PDE7B: variants seen among roughly 807,000 people sequenced by gnomAD.
PDE7B encodes 3',5'-cyclic-AMP phosphodiesterase 7B.
Under a neutral mutation model 56.2 loss-of-function variants are expected in PDE7B, and 29 were observed. The ratio of observed to expected loss-of-function variants is 0.52; its 90% CI spans 0.38 to 0.70. The LOEUF is 0.70. Ranked by LOEUF, PDE7B falls within the 30% of genes least tolerant of loss-of-function variation. The pLI is 0.00. For synonymous variants in PDE7B, 197 were observed against 196.9 expected (o/e 1.00, Z 0.00); for missense variants, 490 against 565.0 (o/e 0.87, Z 1.35).
At chr6:135,903,147 A>G (rs556995949) in intron 1 of PDE7B, among the ~76,000 whole-genome samples, 75 of 152,354 alleles carry the variant, frequency 4.9e-4, no homozygotes, top group Non-Finnish European at 9.6e-4. Context: ...TGACATGGGA[A>G]CAAAGGGCAA....
intron 1 of PDE7B, among the ~76,000 whole-genome samples, chr6:135,914,973 A>G (rs1336301132): frequency 6.6e-6 from 1 of 151,714 alleles, no homozygotes; most frequent in Non-Finnish European, 1.5e-5. Context: ...GGTGCCTTTA[A>G]TCCCAGCTAC....
chr6:135,983,318 A>G (rs1054546105), intron 2 of PDE7B, among the ~76,000 whole-genome samples: 2 of 152,184 alleles, frequency 1.3e-5, no homozygotes, highest in African/African-American at 4.8e-5. Flanking sequence ...GCAGTGACCA[A>G]AGAGACCTGT....
chr6:136,023,132 T>C (rs1776100453), intron 2 of PDE7B, among the ~76,000 whole-genome samples: 1 of 152,164 alleles, frequency 6.6e-6, no homozygotes, highest in Non-Finnish European at 1.5e-5. Context: ...CCCCACCTGT[T>C]TCCCAAAGTA....
chr6:136,034,437 G>A (rs1776292534), intron 2 of PDE7B: 2 of 152,180 alleles, frequency 1.3e-5, no homozygotes, highest in African/African-American at 4.8e-5. Context: ...TTGGAAGAAG[G>A]AGCCAATGCA....
At chr6:135,903,980 C>T (rs1418236762) in intron 1 of PDE7B, among the ~76,000 whole-genome samples, 1 of 152,116 alleles carries the variant, frequency 6.6e-6, no homozygotes, top group Non-Finnish European at 1.5e-5. Flanking sequence ...TTTATTTTTC[C>T]CTTTTTTATT....
intron 3 of PDE7B, among the ~76,000 whole-genome samples, chr6:136,141,024 G>A (rs893070359): frequency 1.3e-5 from 2 of 152,272 alleles, no homozygotes; most frequent in African/African-American, 4.8e-5. Flanking sequence ...TGGTGAGAGA[G>A]GGCATCCCTG....
intron 1 of PDE7B, among the ~76,000 whole-genome samples, chr6:135,857,608 T>C (rs1775060916): frequency 6.6e-6 from 1 of 152,182 alleles, no homozygotes; most frequent in Non-Finnish European, 1.5e-5. Context: ...TTACATTCTC[T>C]TTGACTCTAG....
In PDE7B at chr6:136,070,630, A is replaced by G. The variant is rs116890569; in HGVS notation, c.83-38101A>G. On this transcript the variant is annotated intron_variant, in intron 2 of 12. Transcript: ENST00000308191. Reference sequence around the variant, plus strand: ...CCTTCTTTCATGATTTAATTCATTTAATTTAAAAAACATTGAAAATTTTTT... The same window carrying G: ...CCTTCTTTCATGATTTAATTCATTTGATTTAAAAAACATTGAAAATTTTTT... Among the ~76,000 whole-genome samples, 30 of 152,328 alleles carry G rather than the reference A, an allele frequency of 2.0e-4. No homozygotes were observed. The East Asian group carries it at 4.0e-3, about 21-fold the overall frequency.
intron 2 of PDE7B, among the ~76,000 whole-genome samples, chr6:135,980,784 A>G (rs1674773579): frequency 7.2e-6 from 1 of 139,252 alleles, no homozygotes; most frequent in African/African-American, 2.7e-5. Flanking sequence ...TCAGGAAACA[A>G]CAGGTGCTGG....
chr6:136,177,445 C>G (rs891995582), intron 9 of PDE7B, among the ~76,000 whole-genome samples: 3 of 151,932 alleles, frequency 2.0e-5, no homozygotes, highest in African/African-American at 7.3e-5. Flanking sequence ...TGCAAAGAAC[C>G]TCAGAAACAA....
chr6:135,917,373 T>C (rs1773974117), intron 1 of PDE7B, among the ~76,000 whole-genome samples: 1 of 152,178 alleles, frequency 6.6e-6, no homozygotes, highest in Non-Finnish European at 1.5e-5. Context: ...GCGTCACGTC[T>C]GCTGTTAAGC....
chr6:136,172,556 T>A (rs1778906501), intron 8 of PDE7B, among the ~76,000 whole-genome samples: 2 of 152,184 alleles, frequency 1.3e-5, no homozygotes, highest in African/African-American at 2.4e-5. Flanking sequence ...ATGAGTAGGT[T>A]TTGAAAATTT....
At chr6:136,096,601 T>G (rs913545699) in intron 2 of PDE7B, among the ~76,000 whole-genome samples, 3 of 151,650 alleles carry the variant, frequency 2.0e-5, no homozygotes, top group African/African-American at 7.3e-5. Flanking sequence ...GGTATTTTCA[T>G]GACATAAACT....
intron 2 of PDE7B, among the ~76,000 whole-genome samples, chr6:136,071,626 T>C (rs899928752): frequency 6.6e-6 from 1 of 152,328 alleles, no homozygotes; most frequent in Non-Finnish European, 1.5e-5. Context: ...GGAAAAATTA[T>C]GTTAAAATTA....
chr6:136,105,523 G>A (rs1242703870), intron 2 of PDE7B, among the ~76,000 whole-genome samples: 2 of 152,188 alleles, frequency 1.3e-5, no homozygotes, highest in African/African-American at 4.8e-5. Flanking sequence ...TTGTTGGGTT[G>A]ATGATGTGAG....
At chr6:135,915,009 C>T (rs1473785106) in intron 1 of PDE7B, among the ~76,000 whole-genome samples, 1 of 151,664 alleles carries the variant, frequency 6.6e-6, no homozygotes, top group African/African-American at 2.4e-5. Context: ...AGGAGAATCA[C>T]TTGAACGCAG....
intron 3 of PDE7B, among the ~76,000 whole-genome samples, chr6:136,144,079 T>C (rs191224236): frequency 3.4e-3 from 516 of 152,194 alleles, no homozygotes; most frequent in Non-Finnish European, 5.9e-3. Context: ...ATACGTAACA[T>C]AGGAATAATT....
chr6:136,017,586 C>G (rs1254395524), intron 2 of PDE7B, among the ~76,000 whole-genome samples: 1 of 149,972 alleles, frequency 6.7e-6, no homozygotes, highest in Non-Finnish European at 1.5e-5. Context: ...TAAGAACATG[C>G]GGTGTTTGGT....
At position 136,018,633 on chromosome 6, in the gene PDE7B, A is replaced by C. The variant is rs115015982; in HGVS notation, c.82+71109A>C. On this transcript the variant is annotated intron_variant, in intron 2 of 12. Coordinates refer to ENST00000308191, the MANE Select transcript of PDE7B (RefSeq NM_018945.4). ...CACCACAAGTAACTCAAAACAAAAT[A>C]ATACAAACTCTTAAATTACCGTTAA... Among the ~76,000 whole-genome samples, 873 of 152,298 alleles carry C rather than the reference A, an allele frequency of 5.7e-3. 7 individuals carry two copies. Among genetic ancestry groups the C allele is most frequent in the African/African-American group, 0.02 (823 of 41,552 alleles).
Sources: allele counts gnomAD v4.1 joint callset (sites outside exome capture counted in the v4.1 genomes callset), GRCh38; gene constraint gnomAD v4.1.1; transcripts MANE v1.5; gene names NCBI Gene and HGNC (gene_info 2026-07-23, HGNC 2026-07-21).